The following UNC79 variants were observed in gnomAD, a reference collection of about 807,000 sequenced individuals.
UNC79 encodes unc-79 subunit of NALCN channel complex.
Under a neutral mutation model 283.1 loss-of-function variants are expected in UNC79, and 37 were observed. The observed-to-expected ratio is 0.13, with a 90% CI of 0.10 to 0.17. The LOEUF (loss-of-function observed/expected upper bound fraction) is 0.17, where lower values mean the gene tolerates loss of function less well. UNC79 is among the 10% of genes least tolerant of loss of function. The pLI is 1.00. For synonymous variants in UNC79, 1,107 were observed against 1,200.2 expected (o/e 0.92, Z 1.61); for missense variants, 2,272 against 3,211.1 (o/e 0.71, Z 7.07).
intron 1 of UNC79, among the ~76,000 whole-genome samples, chr14:93,393,203 A>T (rs753568857): frequency 1.3e-5 from 2 of 152,188 alleles, no homozygotes; most frequent in Non-Finnish European, 2.9e-5. Context: ...GCAATACTCT[A>T]TTCTCTAATT....
chr14:93,446,261 C>T (rs144046160), intron 1 of UNC79, among the ~76,000 whole-genome samples: 1 of 152,234 alleles, frequency 6.6e-6, no homozygotes, highest in Non-Finnish European at 1.5e-5. Flanking sequence ...ACTTGAAAGC[C>T]GTGCATTGCT....
chr14:93,489,103 G>A (rs2058599865), intron 5 of UNC79, among the ~76,000 whole-genome samples: 1 of 152,150 alleles, frequency 6.6e-6, no homozygotes, highest in African/African-American at 2.4e-5. Context: ...TACCACATCT[G>A]GCTAATTTTT....
At position 93,580,728 on chromosome 14, in the gene UNC79, C is replaced by T. The variant is rs150468013; in HGVS notation, c.2661+352C>T. On this transcript the variant is annotated intron_variant, in intron 19 of 48. Transcript: ENST00000555664. ...TGTAAAATGTATTTTTTTTTTGAGA[C>T]GGTGCCTTACTCTGTCTCCTATGCT... is the stretch of plus-strand genomic sequence containing the variant. Among the ~76,000 whole-genome samples the T allele has an allele frequency of 1.3e-4, 20 of 151,550 alleles. No homozygotes were observed. In the East Asian group the frequency reaches 2.7e-3, roughly 20 times the overall value.
At chr14:93,473,927 CTA>C (rs2057659622) in intron 2 of UNC79, among the ~76,000 whole-genome samples, 160 bp from the exon 3 acceptor site, 4 of 152,182 alleles carry the variant, frequency 2.6e-5, no homozygotes, top group Non-Finnish European at 5.9e-5. Flanking sequence ...GAGCACGAAG[CTA>C]TGTGACCAGT....
chr14:93,367,696 G>A (rs984952842), intron 1 of UNC79, among the ~76,000 whole-genome samples: 1 of 152,216 alleles, frequency 6.6e-6, no homozygotes, highest in African/African-American at 2.4e-5. Flanking sequence ...CACAACAAAT[G>A]TGTTGACTCC....
intron 37 of UNC79, among the ~76,000 whole-genome samples, chr14:93,654,590 CATA>C (rs762311317): frequency 6.7e-6 from 1 of 150,200 alleles, no homozygotes; most frequent in Non-Finnish European, 1.5e-5. Flanking sequence ...TAAAAATTAA[CATA>C]ATTTAAATTT....
chr14:93,662,199 A>G (rs7145136), intron 39 of UNC79, among the ~76,000 whole-genome samples: 6,401 of 152,276 alleles, frequency 0.042, 150 homozygotes, highest in African/African-American at 0.071. Flanking sequence ...GGTTTGCACT[A>G]CTTAACCCAG....
intron 1 of UNC79, among the ~76,000 whole-genome samples, chr14:93,395,853 G>T (rs2054984693): frequency 6.6e-6 from 1 of 151,832 alleles, no homozygotes; most frequent in Non-Finnish European, 1.5e-5. Context: ...TTTTTTGACA[G>T]TTTGAATATC....
intron 1 of UNC79, among the ~76,000 whole-genome samples, chr14:93,444,410 C>G (rs914630784): frequency 2.0e-5 from 3 of 152,014 alleles, no homozygotes; most frequent in African/African-American, 7.2e-5. Context: ...CAATGACTTT[C>G]GAGAAGCAAG....
At chr14:93,652,555 T>C (rs1596244992) in intron 35 of UNC79, among the ~76,000 whole-genome samples, 1 of 152,360 alleles carries the variant, frequency 6.6e-6, no homozygotes, top group Admixed American at 6.5e-5. Flanking sequence ...TCACTGTGCC[T>C]GGCCCAGTCT....
chr14:93,651,537 T>C (rs997409258), intron 35 of UNC79, among the ~76,000 whole-genome samples: 3 of 152,236 alleles, frequency 2.0e-5, no homozygotes, highest in Admixed American at 6.5e-5. Flanking sequence ...CTAATGTAAA[T>C]GGAATTTTTA....
intron 1 of UNC79, among the ~76,000 whole-genome samples, chr14:93,462,040 C>T (rs547877661): frequency 1.5e-3 from 232 of 152,036 alleles, no homozygotes; most frequent in Non-Finnish European, 3.0e-3. Context: ...GGTGTGGTGG[C>T]TCTTGCCTGT....
At chr14:93,451,531 T>TG (rs1213819204) in intron 1 of UNC79, among the ~76,000 whole-genome samples, 4 of 152,220 alleles carry the variant, frequency 2.6e-5, no homozygotes, top group Non-Finnish European at 5.9e-5. Flanking sequence ...CCATTCTGTT[T>TG]GGTCTCTGCC....
In UNC79 at chr14:93,690,190, A is replaced by G; in HGVS notation, c.7159A>G (p.Asn2387Asp). The G allele has an allele frequency of 5.6e-6, 9 of 1,614,142 alleles. No homozygotes were observed. Among genetic ancestry groups the G allele is most frequent in the Non-Finnish European group, 7.6e-6 (9 of 1,180,038 alleles). ...GCTGCTGCTGGGTTCCCTCACTCAC[A>G]ATGCAGTGTGCCCAAATGCCTCCTC... is the stretch of plus-strand genomic sequence containing the variant. The change falls in exon 45 of 49, where the codon AAT becomes GAT. Residue 2387 changes from asparagine to aspartate, a missense_variant. Physicochemically the swap from Asn to Asp is conservative, Grantham distance 23. This residue lies in a region of UNC79 where 225 missense variants were observed against 334.2 expected (regional missense o/e 0.67). Transcript: ENST00000555664. The surrounding 1 kb of genome is among the most constrained non-coding windows in gnomAD (Gnocchi z 4.3).
intron 47 of UNC79, among the ~76,000 whole-genome samples, chr14:93,700,445 CT>C (rs1409587421): frequency 6.6e-6 from 1 of 151,954 alleles, no homozygotes; most frequent in African/African-American, 2.4e-5. Context: ...TTTTAATGTC[CT>C]TGTCTGTTAG....
At chr14:93,574,081 A>T (rs2141638186) in intron 16 of UNC79, among the ~76,000 whole-genome samples, 1 of 152,344 alleles carries the variant, frequency 6.6e-6, no homozygotes, top group Non-Finnish European at 1.5e-5. Context: ...GGATTTCAGT[A>T]AGGTAATTCT....
intron 27 of UNC79, among the ~76,000 whole-genome samples, chr14:93,616,049 C>A (rs529998525): frequency 6.6e-6 from 1 of 151,770 alleles, no homozygotes; most frequent in African/African-American, 2.4e-5. Flanking sequence ...TGGTTAAGTT[C>A]TTTAGTGGTG....
At chr14:93,372,518 A>G (rs761524726) in intron 1 of UNC79, among the ~76,000 whole-genome samples, 1 of 152,252 alleles carries the variant, frequency 6.6e-6, no homozygotes, top group Non-Finnish European at 1.5e-5. Flanking sequence ...AAGCAGGAGT[A>G]GCTATGTTAA....
chr14:93,652,301 C>T (rs1180091934), intron 35 of UNC79, among the ~76,000 whole-genome samples: 1 of 151,942 alleles, frequency 6.6e-6, no homozygotes, highest in African/African-American at 2.4e-5. Flanking sequence ...CTTGCTCTAT[C>T]ACCCAGGCTG....
Sources: allele counts gnomAD v4.1 joint callset (sites outside exome capture counted in the v4.1 genomes callset), GRCh38; gene constraint gnomAD v4.1.1; regional missense constraint gnomAD v4.1.1; non-coding constraint Gnocchi (gnomAD v3.1); transcripts MANE v1.5; gene names NCBI Gene and HGNC (gene_info 2026-07-23, HGNC 2026-07-21).